ZFP36L2: variants seen among roughly 807,000 people sequenced by gnomAD.
ZFP36L2 encodes the protein mRNA decay activator protein ZFP36L2.
Under a neutral mutation model 27.9 loss-of-function variants are expected in ZFP36L2, and 16 were observed. That is an observed-to-expected ratio of 0.57 (90% CI 0.39 to 0.87). The LOEUF is 0.87. ZFP36L2 is among the 40% of genes least tolerant of loss of function. The pLI, the probability that ZFP36L2 is intolerant of heterozygous loss-of-function variation, is 0.00. For missense variants in ZFP36L2, 989 were observed against 726.9 expected (o/e 1.36, Z -4.15); for synonymous variants, 600 against 363.8 (o/e 1.65, Z -7.39).
Position 43,224,457 on chromosome 2 carries a change from G to A in ZFP36L2, c.1347C>T (p.Pro449=). 2.6e-6 allele frequency: 4 copies of A among 1,516,282 alleles called. No homozygotes were observed. The highest frequency in any genetic ancestry group is 3.5e-6 in the Non-Finnish European group (4 of 1,137,744). 93.9% of individuals were successfully genotyped at this position (1,516,282 alleles called of 1,614,324 possible). The change falls in exon 2 of 2, where the codon CCC becomes CCT. Residue 449 remains proline (P), a synonymous_variant. Transcript: ENST00000282388. ...TGTCGCGGTCCGACAGCGAGTCCGG[G>A]GGGCTGGGGGGCGCGTCGAACACGG... is the stretch of plus-strand genomic sequence containing the variant. The part of the protein sequence containing the change: ...DSPVFDAPPS[P]PDSLSDRDSY...
In ZFP36L2 at chr2:43,224,718, G is replaced by A; in HGVS notation, c.1086C>T (p.Ala362=). 4.6e-6 allele frequency: 7 copies of A among 1,531,148 alleles called. No individual in the cohort carries two copies. Among genetic ancestry groups the A allele is most frequent in the Non-Finnish European group, 6.1e-6 (7 of 1,145,522 alleles). 94.8% of individuals were successfully genotyped at this position (1,531,148 alleles called of 1,614,324 possible). The part of the protein sequence containing the change: ...ACSSASCANN[A]FAFGPELSSL... Reference sequence around the variant, plus strand: ...TGCTGAGCTCCGGACCGAAGGCGAAGGCGTTGTTGGCGCACGAGGCCGACG... The same window carrying A: ...TGCTGAGCTCCGGACCGAAGGCGAAAGCGTTGTTGGCGCACGAGGCCGACG... The change falls in exon 2 of 2, where the codon GCC becomes GCT. Residue 362 remains alanine, a synonymous_variant. Transcript: ENST00000282388.
Position 43,226,285 on chromosome 2 carries a change from C to G in ZFP36L2, c.31G>C (p.Asp11His). The G allele has an allele frequency of 1.3e-6, 2 of 1,588,532 alleles. No homozygotes were observed. Among genetic ancestry groups the G allele is most frequent in the Non-Finnish European group, 1.7e-6 (2 of 1,166,656 alleles). Reference protein sequence around the residue: MSTTLLSAFYDVDFLCKTEKS... With the variant: MSTTLLSAFYHVDFLCKTEKS... Reference sequence around the variant, plus strand: ...CCTACCTTGCACAAGAAGTCGACATCGTAGAAGGCGGACAGAAGTGTGGTC... The same window carrying G: ...CCTACCTTGCACAAGAAGTCGACATGGTAGAAGGCGGACAGAAGTGTGGTC... Residue 11 changes from aspartate (D) to histidine (H), a missense_variant, in exon 1 of 2, where the codon GAT becomes CAT. Asp to His is a moderately conservative substitution (Grantham distance 81, BLOSUM62 -1). Coordinates refer to ENST00000282388, the MANE Select transcript of ZFP36L2 (RefSeq NM_006887.5).
rs1017746835 is a variant in ZFP36L2 at position 43,224,860 on chromosome 2, G to T, written c.944C>A (p.Pro315His). 4 of 1,486,862 alleles carry T rather than the reference G, an allele frequency of 2.7e-6. No homozygotes were observed. The highest frequency in any genetic ancestry group is 3.5e-6 in the Non-Finnish European group (4 of 1,132,888). 92.1% of individuals were successfully genotyped at this position (1,486,862 alleles called of 1,614,324 possible). ...GGCGCAGCATGTCGGGGCGCCCGAG[G>T]GCGTGGAGGCCGCGGAGGCCGAGGA... ...SCSSASAAST[P>H]SGAPTCCASA... Residue 315 changes from proline to histidine, a missense_variant, in exon 2 of 2, where the codon CCC becomes CAC. Physicochemically the swap from Pro to His is moderately conservative, Grantham distance 77. Transcript: ENST00000282388.
At position 43,226,285 on chromosome 2, in the gene ZFP36L2, C is replaced by A; in HGVS notation, c.31G>T (p.Asp11Tyr). 2 of 1,588,532 alleles carry A rather than the reference C, an allele frequency of 1.3e-6. No homozygotes were observed. Among genetic ancestry groups the A allele is most frequent in the Admixed American group, 1.8e-5 (1 of 56,932 alleles). The change falls in exon 1 of 2, where the codon GAT becomes TAT. Residue 11 changes from aspartate (D) to tyrosine (Y), a missense_variant. Asp to Tyr is a radical substitution (Grantham distance 160). Coordinates refer to ENST00000282388, the MANE Select transcript of ZFP36L2 (RefSeq NM_006887.5). ...CCTACCTTGCACAAGAAGTCGACAT[C>A]GTAGAAGGCGGACAGAAGTGTGGTC... MSTTLLSAFY[D>Y]VDFLCKTEKS...
chr2:43,225,514 G>A lies in ZFP36L2; in HGVS notation c.290C>T (p.Ser97Phe), dbSNP rs577427787. The A allele has an allele frequency of 2.1e-5, 34 of 1,600,608 alleles. No homozygotes were observed. The Middle Eastern group carries it at 8.5e-4, about 40-fold the overall frequency. Residue 97 changes from serine to phenylalanine, a missense_variant, in exon 2 of 2, where the codon TCC becomes TTC. By Grantham distance (155) the Ser-to-Phe change is radical. Transcript: ENST00000282388. ...CGSAAAGGPT[S>F]YGTLKEPSGG... ...CGACGGCTCCTTAAGGGTGCCGTAG[G>A]AGGTCGGACCGCCGGCCGCCGCGCT...
Position 43,223,991 on chromosome 2 carries a change from GTTTT to G in ZFP36L2, c.*324_*327del, listed in dbSNP as rs59794453. 17 of 162,352 alleles carry G rather than the reference GTTTT, an allele frequency of 1.0e-4. No homozygotes were observed. Among genetic ancestry groups the G allele is most frequent in the East Asian group, 2.8e-4 (2 of 7,230 alleles). The allele number at this position is 162,352 out of a possible 1,614,324, so 10.1% of individuals were successfully genotyped here. A position where few individuals can be genotyped will look rare whatever the true frequency, so the allele number is the denominator to read the frequency against. ...ATCGGAGTCCTAACAAAGTTTAAGT[GTTTT>G]TTTTTTTTTTTTGTTCTATTCGTAT... On this transcript the variant is annotated 3_prime_UTR_variant, in exon 2 of 2. Transcript: ENST00000282388.
rs1476218917 is a variant in ZFP36L2 at position 43,225,758 on chromosome 2, A to G, written c.52-6T>C. On this transcript the variant is annotated splice_region_variant and splice_polypyrimidine_tract_variant and intron_variant, in intron 1 of 1. Coordinates refer to ENST00000282388, the MANE Select transcript of ZFP36L2 (RefSeq NM_006887.5). Reference sequence around the variant, plus strand: ...TTGGCCAGGGATTTCTCTGTCTGCCAAAGGGAGGGGAGCGGGGAAGGGATG... The same window carrying G: ...TTGGCCAGGGATTTCTCTGTCTGCCGAAGGGAGGGGAGCGGGGAAGGGATG... The G allele has an allele frequency of 6.3e-7, 1 of 1,587,010 alleles. No individual in the cohort carries two copies. Among genetic ancestry groups the G allele is most frequent in the Non-Finnish European group, 8.5e-7 (1 of 1,174,776 alleles).
rs759845224 is a variant in ZFP36L2 at position 43,226,271 on chromosome 2, C to G, written c.45G>C (p.Leu15Phe). The G allele has an allele frequency of 1.9e-6, 3 of 1,584,784 alleles. No homozygotes were observed. Among genetic ancestry groups the G allele is most frequent in the East Asian group, 2.3e-5 (1 of 43,312 alleles). Residue 15 changes from leucine (L) to phenylalanine (F), a missense_variant, in exon 1 of 2, where the codon TTG becomes TTC. Transcript: ENST00000282388. ...LLSAFYDVDFLCKTEKSLANL... is the reference protein window; with the variant it reads ...LLSAFYDVDFFCKTEKSLANL... ...GGCCCGCTCCCTGGCCTACCTTGCA[C>G]AAGAAGTCGACATCGTAGAAGGCGG...
rs1448656407 is a variant in ZFP36L2 at position 43,224,602 on chromosome 2, T to C, written c.1202A>G (p.Gln401Arg). 2 of 1,192,078 alleles carry C rather than the reference T, an allele frequency of 1.7e-6. No individual in the cohort carries two copies. Among genetic ancestry groups the C allele is most frequent in the Non-Finnish European group, 2.1e-6 (2 of 935,198 alleles). The allele number at this position is 1,192,078 out of a possible 1,614,324, so 73.8% of individuals were successfully genotyped here. The stretch of plus-strand genomic sequence containing the variant: ...CGGCTGCGCGGGGGGCGCCAGGCCC[T>C]GCTGCTGCTGCTGCTGCTGACTGCG... The part of the protein sequence containing the change: ...YYRSQQQQQQ[Q>R]GLAPPAQPPA... The change falls in exon 2 of 2, where the codon CAG (glutamine) becomes CGG (arginine). Residue 401 changes from glutamine (Q) to arginine (R), a missense_variant. Coordinates refer to ENST00000282388, the MANE Select transcript of ZFP36L2 (RefSeq NM_006887.5).
At position 43,226,328 on chromosome 2, in the gene ZFP36L2, C is replaced by A; in HGVS notation, c.-13G>T. ...GTGTGGTCGACATGTTTCTGGATCC[C>A]GCAGTGGCCGGAGCGGCAGGCCGGG... On this transcript the variant is annotated 5_prime_UTR_variant, in exon 1 of 2. Coordinates refer to ENST00000282388, the MANE Select transcript of ZFP36L2 (RefSeq NM_006887.5). The A allele has an allele frequency of 6.4e-7, 1 of 1,573,446 alleles. No individual in the cohort carries two copies. The highest frequency in any genetic ancestry group is 2.3e-5 in the East Asian group (1 of 42,760).
Position 43,223,952 on chromosome 2 carries a change from G to A in ZFP36L2, c.*367C>T, listed in dbSNP as rs181214548. On this transcript the variant is annotated 3_prime_UTR_variant, in exon 2 of 2. Coordinates refer to ENST00000282388, the MANE Select transcript of ZFP36L2 (RefSeq NM_006887.5). ...TGCTGGTGCTGGGTTGATTTTTCCT[G>A]AAGTCCCAAACTCATCGGAGTCCTA... 5.7e-6 allele frequency: 1 copy of A among 174,976 alleles called. No individual in the cohort carries two copies. Among genetic ancestry groups the A allele is most frequent in the Admixed American group, 6.3e-5 (1 of 15,790 alleles). The allele number at this position is 174,976 out of a possible 1,614,324, so 10.8% of individuals were successfully genotyped here.
chr2:43,224,099 T>TAA lies in ZFP36L2; in HGVS notation c.*218_*219dup. 2 of 389,394 alleles carry TAA rather than the reference T, an allele frequency of 5.1e-6. No individual in the cohort carries two copies. The highest frequency in any genetic ancestry group is 4.7e-5 in the African/African-American group (2 of 42,166). The allele number at this position is 389,394 out of a possible 1,614,324, so 24.1% of individuals were successfully genotyped here. On this transcript the variant is annotated 3_prime_UTR_variant, in exon 2 of 2. Transcript: ENST00000282388. ...GCTCAAAAAGAATGAAACTTCGTAA[T>TAA]AAAAATAAAAAAAAAAAGACAAGAG...
Position 43,224,272 on chromosome 2 carries a change from A to C in ZFP36L2, c.*47T>G, listed in dbSNP as rs1436962274. On this transcript the variant is annotated 3_prime_UTR_variant, in exon 2 of 2. Transcript: ENST00000282388. Reference sequence around the variant, plus strand: ...GCGAGATGGCGAGGGGTGTCCTCCAACATCTCTGAACCGCCTTCCCTTCCT... The same window carrying C: ...GCGAGATGGCGAGGGGTGTCCTCCACCATCTCTGAACCGCCTTCCCTTCCT... 1.4e-6 allele frequency: 2 copies of C among 1,480,188 alleles called. No homozygotes were observed. The highest frequency in any genetic ancestry group is 2.7e-5 in the East Asian group (1 of 36,430). The allele number at this position is 1,480,188 out of a possible 1,614,324, so 91.7% of individuals were successfully genotyped here.
rs1391998387 is a variant in ZFP36L2, at chr2:43,226,540, C to T, written c.-225G>A. On this transcript the variant is annotated 5_prime_UTR_variant, in exon 1 of 2. Transcript: ENST00000282388. ...AGGAGAGAAGCGAGGAGCGCTCCTCCGCGCCCCGGGGTGCCCGGCCCGCCC... is the reference window on the plus strand; with the variant it reads ...AGGAGAGAAGCGAGGAGCGCTCCTCTGCGCCCCGGGGTGCCCGGCCCGCCC... 2 of 536,104 alleles carry T rather than the reference C, an allele frequency of 3.7e-6. No homozygotes were observed. Among genetic ancestry groups the T allele is most frequent in the East Asian group, 3.6e-5 (1 of 27,976 alleles). The allele number at this position is 536,104 out of a possible 1,614,324, so 33.2% of individuals were successfully genotyped here.
chr2:43,225,570 G>T lies in ZFP36L2; in HGVS notation c.234C>A (p.Phe78Leu), dbSNP rs770352331. 2.4e-5 allele frequency: 37 copies of T among 1,566,038 alleles called. No individual in the cohort carries two copies. The East Asian group carries it at 8.3e-4, about 35-fold the overall frequency. ...AGCTGCTGCCGTTAGCGGCGCCCGGGAACTTGGGCGAGCAGCTGCCGGGGC... is the reference window on the plus strand; with the variant it reads ...AGCTGCTGCCGTTAGCGGCGCCCGGTAACTTGGGCGAGCAGCTGCCGGGGC... ...APSPGSCSPKFPGAANGSSCG... is the reference protein window; with the variant it reads ...APSPGSCSPKLPGAANGSSCG... Residue 78 changes from phenylalanine to leucine, a missense_variant, in exon 2 of 2, where the codon TTC becomes TTA. Phe to Leu is a conservative substitution (Grantham distance 22). Coordinates refer to ENST00000282388, the MANE Select transcript of ZFP36L2 (RefSeq NM_006887.5).
Position 43,224,592 on chromosome 2 carries a change from C to A in ZFP36L2, c.1212G>T (p.Ala404=). Residue 404 remains alanine, a synonymous_variant, in exon 2 of 2, where the codon GCG becomes GCT. Coordinates refer to ENST00000282388, the MANE Select transcript of ZFP36L2 (RefSeq NM_006887.5). ...SQQQQQQQGL[A]PPAQPPAPPS... ...GCGGCGCCGGCGGCTGCGCGGGGGGCGCCAGGCCCTGCTGCTGCTGCTGCT... is the reference window on the plus strand; with the variant it reads ...GCGGCGCCGGCGGCTGCGCGGGGGGAGCCAGGCCCTGCTGCTGCTGCTGCT... 7.2e-7 allele frequency: 1 copy of A among 1,379,918 alleles called. No individual in the cohort carries two copies. Among genetic ancestry groups the A allele is most frequent in the Middle Eastern group, 2.5e-4 (1 of 4,028 alleles). 85.5% of individuals were successfully genotyped at this position (1,379,918 alleles called of 1,614,324 possible).
At position 43,223,054 on chromosome 2, in the gene ZFP36L2, A is replaced by T. The variant is rs1667002180; in HGVS notation, c.*1265T>A. 6.6e-6 allele frequency: 1 copy of T among 152,338 alleles called. No individual in the cohort carries two copies. The highest frequency in any genetic ancestry group is 1.5e-5 in the Non-Finnish European group (1 of 68,038). The allele number at this position is 152,338 out of a possible 1,614,324, so 9.4% of individuals were successfully genotyped here. A position where few individuals can be genotyped will look rare whatever the true frequency, so the allele number is the denominator to read the frequency against. On this transcript the variant is annotated 3_prime_UTR_variant, in exon 2 of 2. Coordinates refer to ENST00000282388, the MANE Select transcript of ZFP36L2 (RefSeq NM_006887.5). ...ATGCCACATTTCAGCCTGATTGCAA[A>T]GTATGTGGTCATTTTTTTCTTTGAA...
In ZFP36L2 at chr2:43,224,085, A is replaced by G. The variant is rs1410656698; in HGVS notation, c.*234T>C. On this transcript the variant is annotated 3_prime_UTR_variant, in exon 2 of 2. Transcript: ENST00000282388. ...AGTTCGACTTTTTTGCTCAAAAAGA[A>G]TGAAACTTCGTAATAAAAATAAAAA... The G allele has an allele frequency of 2.5e-6, 1 of 400,672 alleles. No homozygotes were observed. Among genetic ancestry groups the G allele is most frequent in the East Asian group, 3.7e-5 (1 of 27,344 alleles). The allele number at this position is 400,672 out of a possible 1,614,324, so 24.8% of individuals were successfully genotyped here.
In ZFP36L2 at chr2:43,226,251, G is replaced by T; in HGVS notation, c.51+14C>A. 2 of 1,572,576 alleles carry T rather than the reference G, an allele frequency of 1.3e-6. No individual in the cohort carries two copies. Among genetic ancestry groups the T allele is most frequent in the Non-Finnish European group, 1.7e-6 (2 of 1,158,180 alleles). Reference sequence around the variant, plus strand: ...ACAACGGCTGCTGCCGGCCGGGCCCGCTCCCTGGCCTACCTTGCACAAGAA... The same window carrying T: ...ACAACGGCTGCTGCCGGCCGGGCCCTCTCCCTGGCCTACCTTGCACAAGAA... On this transcript the variant is annotated intron_variant, in intron 1 of 1. Coordinates refer to ENST00000282388, the MANE Select transcript of ZFP36L2 (RefSeq NM_006887.5).
Sources: gnomAD v4.1 joint callset for allele counts on GRCh38, gnomAD v4.1.1 for gene constraint, MANE v1.5 for transcripts, NCBI Gene and HGNC (gene_info 2026-07-23, HGNC 2026-07-21) for gene names.